Variants in CAMK1D observed in about 807,000 individuals in gnomAD.
The protein encoded by CAMK1D is calcium/calmodulin dependent protein kinase ID, also known as calcium/calmodulin-dependent protein kinase type 1D.
CAMK1D carries 9 observed loss-of-function variants against 47.7 expected under a neutral mutation model. The observed-to-expected ratio is 0.19, with a 90% CI of 0.11 to 0.33. The LOEUF is 0.33. CAMK1D is among the 10% of genes least tolerant of loss of function. CAMK1D has a pLI of 1.00. For synonymous variants in CAMK1D, 184 were observed against 184.9 expected (o/e 0.99, Z 0.04); for missense variants, 291 against 488.7 (o/e 0.60, Z 3.81).
intron 1 of CAMK1D, among the ~76,000 whole-genome samples, chr10:12,513,750 G>A (rs959532957): frequency 2.6e-5 from 4 of 152,166 alleles, no homozygotes; most frequent in Non-Finnish European, 4.4e-5. Context: ...TCAGTGGGCC[G>A]TGATCATGCC....
At chr10:12,758,655 C>T (rs990351836) in intron 3 of CAMK1D, among the ~76,000 whole-genome samples, 7 of 152,154 alleles carry the variant, frequency 4.6e-5, no homozygotes, top group Non-Finnish European at 7.3e-5. Flanking sequence ...CAGTAGAATT[C>T]GTCCATACCT....
At chr10:12,492,594 G>GACCAAA (rs1439980640) in intron 1 of CAMK1D, among the ~76,000 whole-genome samples, 1 of 152,150 alleles carries the variant, frequency 6.6e-6, no homozygotes, top group Non-Finnish European at 1.5e-5. Context: ...AAGAGTTTAA[G>GACCAAA]ACCAGCCTGG....
intron 1 of CAMK1D, among the ~76,000 whole-genome samples, chr10:12,353,332 G>A (rs1170170769): frequency 6.6e-6 from 1 of 152,168 alleles, no homozygotes; most frequent in African/African-American, 2.4e-5. Context: ...GTAAGAAGCA[G>A]GGCTGTCAGC....
chr10:12,680,194 A>G (rs1840944663), intron 3 of CAMK1D, among the ~76,000 whole-genome samples: 1 of 152,116 alleles, frequency 6.6e-6, no homozygotes, highest in African/African-American at 2.4e-5. Context: ...CTGGAAAGAG[A>G]TTTGGGGGAG....
chr10:12,796,181 C>T (rs562613987), intron 6 of CAMK1D, among the ~76,000 whole-genome samples: 1 of 152,262 alleles, frequency 6.6e-6, no homozygotes, highest in Admixed American at 6.5e-5. Context: ...TGAATGTGGG[C>T]TAACAGCTGA....
intron 2 of CAMK1D, among the ~76,000 whole-genome samples, chr10:12,622,598 T>G (rs1839033524): frequency 6.6e-6 from 1 of 152,072 alleles, no homozygotes; most frequent in Admixed American, 6.6e-5. Flanking sequence ...AACATACTTC[T>G]ACTCCTTTTT....
chr10:12,670,447 T>C (rs1840578274), intron 3 of CAMK1D, among the ~76,000 whole-genome samples: 1 of 152,168 alleles, frequency 6.6e-6, no homozygotes, highest in Admixed American at 6.5e-5. Flanking sequence ...AATATTTTCT[T>C]CCATTTTGTA....
chr10:12,769,773 C>G lies in CAMK1D; in HGVS notation c.539C>G (p.Thr180Ser). The G allele has an allele frequency of 6.2e-7, 1 of 1,614,166 alleles. No individual in the cohort carries two copies. The highest frequency in any genetic ancestry group is 2.2e-5 in the East Asian group (1 of 44,894). The change falls in exon 5 of 11, where the codon ACT (threonine) becomes AGT (serine). Residue 180 changes from threonine to serine, a missense_variant. Thr to Ser is a moderately conservative substitution (Grantham distance 58). This residue lies in a region of CAMK1D where 219 missense variants were observed against 424.3 expected (regional missense o/e 0.52). Transcript: ENST00000619168. The part of the protein sequence containing the change: ...KMEGKGDVMS[T>S]ACGTPGYVAP... The stretch of plus-strand genomic sequence containing the variant: ...GAGGGCAAAGGAGATGTGATGTCCA[C>G]TGCCTGTGGAACTCCAGGCTATGTC...
At position 12,539,742 on chromosome 10, in the gene CAMK1D, C is replaced by G. The variant is rs1452471422; in HGVS notation, c.93-13483C>G. Among the ~76,000 whole-genome samples, 3 of 152,146 alleles carry G rather than the reference C, an allele frequency of 2.0e-5. No individual in the cohort carries two copies. The East Asian group carries it at 5.8e-4, about 29-fold the overall frequency. On this transcript the variant is annotated intron_variant, in intron 1 of 10. Transcript: ENST00000619168. ...CGAAGAGGTCCGCACAGGTGATGAA[C>G]AAAGGGGGTATCCTGGGGGTTGCAG...
intron 2 of CAMK1D, among the ~76,000 whole-genome samples, chr10:12,644,689 T>G (rs1839766281): frequency 6.6e-6 from 1 of 152,230 alleles, no homozygotes; most frequent in African/African-American, 2.4e-5. Context: ...TAAAGGGGCT[T>G]CTAGCCTTTT....
intron 1 of CAMK1D, among the ~76,000 whole-genome samples, chr10:12,352,459 A>T (rs927303861): frequency 9.2e-5 from 14 of 151,942 alleles, no homozygotes; most frequent in Admixed American, 2.6e-4. Context: ...CAATAACAAA[A>T]TTAGCCGGGT....
At chr10:12,654,561 A>T (rs1316641095) in intron 2 of CAMK1D, among the ~76,000 whole-genome samples, 2 of 152,070 alleles carry the variant, frequency 1.3e-5, no homozygotes, top group Non-Finnish European at 2.9e-5. Context: ...ATAGTAGAAG[A>T]AGTATTACTA....
At chr10:12,614,322 G>C (rs1450054082) in intron 2 of CAMK1D, among the ~76,000 whole-genome samples, 3 of 152,212 alleles carry the variant, frequency 2.0e-5, no homozygotes, top group Non-Finnish European at 4.4e-5. Flanking sequence ...CTTTGTTGTT[G>C]TTGTGTGCAC....
intron 2 of CAMK1D, among the ~76,000 whole-genome samples, chr10:12,644,266 GCTCT>G (rs1839755442): frequency 1.3e-5 from 2 of 152,118 alleles, no homozygotes; most frequent in Admixed American, 6.6e-5. Flanking sequence ...GGCAGAGTTA[GCTCT>G]CTAAGTTTCC....
intron 6 of CAMK1D, among the ~76,000 whole-genome samples, chr10:12,795,182 G>A (rs1838142906): frequency 6.6e-6 from 1 of 152,160 alleles, no homozygotes; most frequent in Non-Finnish European, 1.5e-5. Flanking sequence ...GATAAGCAGA[G>A]AGATAAGAGC....
chr10:12,656,154 G>A (rs1021261376), intron 2 of CAMK1D, among the ~76,000 whole-genome samples: 5 of 152,160 alleles, frequency 3.3e-5, no homozygotes, highest in South Asian at 4.1e-4. Context: ...GAACCAGCTC[G>A]TTGATGCCCC....
At chr10:12,496,005 T>C (rs1331321191) in intron 1 of CAMK1D, among the ~76,000 whole-genome samples, 1 of 152,010 alleles carries the variant, frequency 6.6e-6, no homozygotes, top group Non-Finnish European at 1.5e-5. Context: ...TTTTTGGTAT[T>C]TTTTGTAGAG....
rs900235288 is a variant in CAMK1D at position 12,452,856 on chromosome 10, C to T, written c.93-100369C>T. On this transcript the variant is annotated intron_variant, in intron 1 of 10. Coordinates refer to ENST00000619168, the MANE Select transcript of CAMK1D (RefSeq NM_153498.4). Reference sequence around the variant, plus strand: ...TGCTGGGATTACAGGCATGAGCCACCGCGCCTGGCCCATTTTGACTGTTTT... The same window carrying T: ...TGCTGGGATTACAGGCATGAGCCACTGCGCCTGGCCCATTTTGACTGTTTT... Among the ~76,000 whole-genome samples, 10 of 152,040 alleles carry T rather than the reference C, an allele frequency of 6.6e-5. 1 individual carries two copies. The highest frequency in any genetic ancestry group is 5.8e-4 in the East Asian group (3 of 5,152).
chr10:12,636,651 G>T (rs1265038293), intron 2 of CAMK1D, among the ~76,000 whole-genome samples: 1 of 152,040 alleles, frequency 6.6e-6, no homozygotes, highest in East Asian at 1.9e-4. Flanking sequence ...TCGCCAATGA[G>T]GAAACAGACT....
Sources: allele counts gnomAD v4.1 joint callset (sites outside exome capture counted in the v4.1 genomes callset), GRCh38; gene constraint gnomAD v4.1.1; regional missense constraint gnomAD v4.1.1; transcripts MANE v1.5; gene names NCBI Gene and HGNC (gene_info 2026-07-23, HGNC 2026-07-21).